The following SCAND3 variants were observed in gnomAD, a reference collection of about 807,000 sequenced individuals.
SCAND3 encodes SCAN domain containing 3.
chr6:28,582,649 A>AC, the SCAND3 span, among the ~76,000 whole-genome samples: 1 of 152,204 alleles, frequency 6.6e-6, no homozygotes, highest in Admixed American at 6.5e-5. This position sits in a 1 kb window ranked among gnomAD's most constrained non-coding sequence, Gnocchi z 4.8. Flanking sequence ...CGGCTGGCGC[A>AC]CGGTGGCTCA....
chr6:28,576,041 T>C, the SCAND3 span: 1 of 1,613,838 alleles, frequency 6.2e-7, no homozygotes, highest in Non-Finnish European at 8.5e-7. Context: ...TTTTCTCTCA[T>C]GTTTTCTGGT....
chr6:28,598,888 AAAAAAAG>A, the SCAND3 span, among the ~76,000 whole-genome samples: 1 of 149,190 alleles, frequency 6.7e-6, no homozygotes, highest in Non-Finnish European at 1.5e-5. Flanking sequence ...AAAAAAAAAA[AAAAAAAG>A]AAAAAAGAAA....
chr6:28,586,902 T>A, the SCAND3 span: 1,973 of 586,414 alleles, frequency 3.4e-3, 8 homozygotes, highest in Middle Eastern at 0.014. The surrounding 1 kb of genome is among the most constrained non-coding windows in gnomAD (Gnocchi z 4.4). Context: ...GGGCAGTTAC[T>A]CGGGCAATTC....
the SCAND3 span, among the ~76,000 whole-genome samples, chr6:28,603,915 T>C: frequency 6.6e-6 from 1 of 152,206 alleles, no homozygotes; most frequent in Non-Finnish European, 1.5e-5. Flanking sequence ...GTCTGATACT[T>C]GGCAAGGGCT....
chr6:28,599,090 T>C, the SCAND3 span, among the ~76,000 whole-genome samples: 3 of 152,194 alleles, frequency 2.0e-5, no homozygotes, highest in South Asian at 2.1e-4. Flanking sequence ...GATACTGAGA[T>C]ATAAATCTAA....
the SCAND3 span, chr6:28,597,623 A>G: frequency 1.4e-3 from 219 of 152,332 alleles, 1 homozygote; most frequent in African/African-American, 5.1e-3. Flanking sequence ...GGCACATATC[A>G]AACGAACAGA....
At chr6:28,575,308 G>A in the SCAND3 span, 3 of 1,613,990 alleles carry the variant, frequency 1.9e-6, no homozygotes, top group Non-Finnish European at 2.5e-6. This position sits in a 1 kb window ranked among gnomAD's most constrained non-coding sequence, Gnocchi z 4.2. Flanking sequence ...GCTTTGGCAG[G>A]TCTGAGACTT....
chr6:28,594,553 G>T, the SCAND3 span, among the ~76,000 whole-genome samples: 1 of 152,242 alleles, frequency 6.6e-6, no homozygotes, highest in East Asian at 1.9e-4. Context: ...TATTTGGGAG[G>T]CTGAGGCAGA....
At chr6:28,571,857 A>G in the SCAND3 span, 1 of 1,573,822 alleles carries the variant, frequency 6.4e-7, no homozygotes, top group African/African-American at 1.4e-5. Context: ...CCTCACACTC[A>G]ATGCTTATAT....
At chr6:28,606,808 C>A in the SCAND3 span, among the ~76,000 whole-genome samples, 1 of 152,190 alleles carries the variant, frequency 6.6e-6, no homozygotes, top group Admixed American at 6.5e-5. Flanking sequence ...GACTGGAACT[C>A]GGTAGGCGAG....
chr6:28,574,653 T>C, the SCAND3 span: 1 of 1,612,948 alleles, frequency 6.2e-7, no homozygotes, highest in Non-Finnish European at 8.5e-7. Context: ...CCCAGTCTCC[T>C]ACTTTGTCTG....
chr6:28,583,064 A>G, the SCAND3 span, among the ~76,000 whole-genome samples: 1 of 151,980 alleles, frequency 6.6e-6, no homozygotes, highest in Non-Finnish European at 1.5e-5. Context: ...GTGTGAGGAA[A>G]GGGGGGGCAA....
At chr6:28,589,121 G>A in the SCAND3 span, 1 of 152,048 alleles carries the variant, frequency 6.6e-6, no homozygotes, top group Non-Finnish European at 1.5e-5. Context: ...AAATTGTTAA[G>A]TTTCAGACCT....
the SCAND3 span, among the ~76,000 whole-genome samples, chr6:28,602,332 C>T: frequency 6.6e-6 from 1 of 152,142 alleles, no homozygotes; most frequent in Non-Finnish European, 1.5e-5. Flanking sequence ...CCTTAGCCTC[C>T]TGAGTAACTG....
At chr6:28,579,524 CT>C in the SCAND3 span, 1 of 1,061,184 alleles carries the variant, frequency 9.4e-7, no homozygotes, top group Non-Finnish European at 1.4e-6. This position sits in a 1 kb window ranked among gnomAD's most constrained non-coding sequence, Gnocchi z 4.5. Flanking sequence ...GAAAATCAGT[CT>C]TTACTGAATT....
At chr6:28,595,722 CAA>C in the SCAND3 span, among the ~76,000 whole-genome samples, 2 of 138,734 alleles carry the variant, frequency 1.4e-5, no homozygotes, top group African/African-American at 2.6e-5. Flanking sequence ...AACTCCGTCT[CAA>C]AAAAAAAAAG....
At chr6:28,581,434 A>G in the SCAND3 span, among the ~76,000 whole-genome samples, 5 of 152,236 alleles carry the variant, frequency 3.3e-5, no homozygotes, top group Non-Finnish European at 4.4e-5. Flanking sequence ...TTTCCAATAA[A>G]TTCGAACATC....
the SCAND3 span, chr6:28,586,413 G>A: frequency 6.2e-7 from 1 of 1,614,024 alleles, no homozygotes; most frequent in Non-Finnish European, 8.5e-7. This position sits in a 1 kb window ranked among gnomAD's most constrained non-coding sequence, Gnocchi z 4.4. Context: ...AGGCAGGATG[G>A]TCAGGAACTG....
chr6:28,580,232 T>G, the SCAND3 span, among the ~76,000 whole-genome samples: 1 of 152,094 alleles, frequency 6.6e-6, no homozygotes, highest in Non-Finnish European at 1.5e-5. Flanking sequence ...GGTGGATGCA[T>G]CACCTGAGGT....
Sources: allele counts gnomAD v4.1 joint callset (sites outside exome capture counted in the v4.1 genomes callset), GRCh38; gene constraint gnomAD v4.1.1; non-coding constraint Gnocchi (gnomAD v3.1); transcripts MANE v1.5; gene names NCBI Gene and HGNC (gene_info 2026-07-23, HGNC 2026-07-21).